EIF4G3: variants seen among roughly 807,000 people sequenced by gnomAD.
EIF4G3 encodes the protein eIF-4-gamma 3.
Under a neutral mutation model 186.4 loss-of-function variants are expected in EIF4G3, and 34 were observed. The observed-to-expected ratio is 0.18, with a 90% confidence interval of 0.14 to 0.24. The LOEUF (loss-of-function observed/expected upper bound fraction) is 0.24, where lower values mean the gene tolerates loss of function less well. EIF4G3 is among the 10% of genes least tolerant of loss of function. The probability of loss-of-function intolerance (pLI) is 1.00; values close to 1 mark genes in which losing one functional copy is unlikely to be tolerated. For synonymous variants in EIF4G3, 673 were observed against 679.5 expected, an observed-to-expected ratio of 0.99 and a Z score of 0.15; for missense variants, 1,536 against 1,948.5, an observed-to-expected ratio of 0.79 and a Z score of 3.99.
chr1:21,005,112 C>T (rs751770120), intron 4 of EIF4G3, among the ~76,000 whole-genome samples: 51 of 151,970 alleles, frequency 3.4e-4, no homozygotes, highest in Admixed American at 1.6e-3. Flanking sequence ...GTATCACATC[C>T]GAAATCTGAA....
intron 21 of EIF4G3, 62 bp downstream of exon 21, chr1:20,865,054 T>C (rs2077262130): frequency 6.3e-7 from 1 of 1,586,526 alleles, no homozygotes; most frequent in African/African-American, 1.4e-5. Context: ...TCTAGCTTCC[T>C]GAAATTTCTA....
intron 3 of EIF4G3, among the ~76,000 whole-genome samples, chr1:21,086,141 T>C (rs1204142467): frequency 2.6e-5 from 4 of 151,252 alleles, no homozygotes; most frequent in East Asian, 1.9e-4. Context: ...TGATCTACAA[T>C]AGGTGTTACT....
intron 13 of EIF4G3, among the ~76,000 whole-genome samples, chr1:20,946,437 C>G (rs1041563633): frequency 6.6e-6 from 1 of 152,194 alleles, no homozygotes; most frequent in African/African-American, 2.4e-5. Context: ...GTTCTCTCTA[C>G]AAACCAATGT....
At chr1:21,163,523 C>T (rs530712225) in intron 2 of EIF4G3, among the ~76,000 whole-genome samples, 3 of 152,306 alleles carry the variant, frequency 2.0e-5, no homozygotes, top group East Asian at 3.9e-4. Flanking sequence ...TGGAGACATG[C>T]ATAATAATTT....
At chr1:20,807,921 T>G (rs571935830) in intron 36 of EIF4G3, among the ~76,000 whole-genome samples, 58 of 150,338 alleles carry the variant, frequency 3.9e-4, no homozygotes, top group African/African-American at 1.4e-3. Flanking sequence ...TGCCTGGGTT[T>G]AAGCAATTTT....
chr1:21,011,093 C>T (rs1346175796), intron 4 of EIF4G3, among the ~76,000 whole-genome samples: 1 of 151,712 alleles, frequency 6.6e-6, no homozygotes, highest in Non-Finnish European at 1.5e-5. Flanking sequence ...TAAATATATA[C>T]TCAGGAAATC....
At chr1:20,984,593 C>CTTTTTT (rs1158261981) in intron 7 of EIF4G3, among the ~76,000 whole-genome samples, 1 of 132,606 alleles carries the variant, frequency 7.5e-6, no homozygotes. Flanking sequence ...CATATATACA[C>CTTTTTT]TTTTTTTTTT....
chr1:21,103,722 T>C (rs1175757831), intron 2 of EIF4G3, among the ~76,000 whole-genome samples: 2 of 152,136 alleles, frequency 1.3e-5, no homozygotes, highest in African/African-American at 4.8e-5. Context: ...CATGTGTCTG[T>C]AGTCCCAGCT....
At chr1:20,919,907 A>T (rs1286231431) in intron 14 of EIF4G3, among the ~76,000 whole-genome samples, 2 of 151,316 alleles carry the variant, frequency 1.3e-5, no homozygotes, top group Non-Finnish European at 3.0e-5. Flanking sequence ...CCCTCTGGAG[A>T]TAATTCTTTT....
At chr1:21,012,655 T>C (rs1044637881) in intron 4 of EIF4G3, among the ~76,000 whole-genome samples, 2 of 152,276 alleles carry the variant, frequency 1.3e-5, no homozygotes, top group African/African-American at 4.8e-5. Context: ...CTTTTGTGAC[T>C]GAACAAACAA....
At chr1:21,167,520 A>T in intron 2 of EIF4G3, among the ~76,000 whole-genome samples, 1 of 152,146 alleles carries the variant, frequency 6.6e-6, no homozygotes, top group East Asian at 1.9e-4. Context: ...TCACGTCTGT[A>T]ATCCCAGTAC....
chr1:21,109,269 G>T (rs1241587607), intron 2 of EIF4G3, among the ~76,000 whole-genome samples: 8 of 152,150 alleles, frequency 5.3e-5, no homozygotes, highest in African/African-American at 1.9e-4. Context: ...CCCTGCTCAT[G>T]ATGTTTATTT....
intron 10 of EIF4G3, among the ~76,000 whole-genome samples, chr1:20,974,512 T>G (rs1233467551): frequency 1.3e-5 from 2 of 152,180 alleles, no homozygotes; most frequent in African/African-American, 4.8e-5. Flanking sequence ...AAAAGTTGTT[T>G]GGGCAGAGAG....
At chr1:20,932,877 A>C (rs547113247) in intron 14 of EIF4G3, among the ~76,000 whole-genome samples, 1 of 146,106 alleles carries the variant, frequency 6.8e-6, no homozygotes, top group South Asian at 2.1e-4. Flanking sequence ...CTTTCTCAAC[A>C]CAGAGTTACC....
intron 16 of EIF4G3, 21 bp from the exon 17 acceptor site, chr1:20,895,522 A>G: frequency 1.2e-6 from 2 of 1,612,304 alleles, no homozygotes; most frequent in South Asian, 2.2e-5. Flanking sequence ...GAATATAGGC[A>G]GACACTGTTT....
At chr1:20,916,861 C>T (rs904424705) in intron 14 of EIF4G3, among the ~76,000 whole-genome samples, 4 of 152,130 alleles carry the variant, frequency 2.6e-5, no homozygotes, top group Non-Finnish European at 5.9e-5. Flanking sequence ...TTAGCAGAAA[C>T]AAGATAGCCT....
chr1:20,852,622 A>G (rs6426647), intron 27 of EIF4G3, among the ~76,000 whole-genome samples: 143,722 of 152,156 alleles, frequency 0.94, 68,415 homozygotes, highest in Middle Eastern at 1. Flanking sequence ...GGCCCGTGGC[A>G]GACCAGAAGC....
At chr1:20,952,277 C>T (rs1025340797) in intron 12 of EIF4G3, among the ~76,000 whole-genome samples, 1 of 151,694 alleles carries the variant, frequency 6.6e-6, no homozygotes, top group African/African-American at 2.4e-5. Flanking sequence ...GCCTCAGCCT[C>T]CTGAGTAGCT....
intron 12 of EIF4G3, among the ~76,000 whole-genome samples, chr1:20,968,881 G>T (rs559708350): frequency 6.6e-6 from 1 of 152,088 alleles, no homozygotes; most frequent in Non-Finnish European, 1.5e-5. Flanking sequence ...GAACAACCAC[G>T]AATTTTGGTA....
Sources: allele counts gnomAD v4.1 joint callset (sites outside exome capture counted in the v4.1 genomes callset), GRCh38; gene constraint gnomAD v4.1.1; transcripts MANE v1.5; gene names NCBI Gene and HGNC (gene_info 2026-07-23, HGNC 2026-07-21).